BAHD1: variants seen among roughly 807,000 people sequenced by gnomAD.
The protein encoded by BAHD1 is bromo adjacent homology domain containing 1, also known as bromo adjacent homology domain-containing 1 protein.
BAHD1 carries 20 observed loss-of-function variants against 63.1 expected under a neutral mutation model. The observed-to-expected ratio is 0.32, with a 90% confidence interval of 0.22 to 0.46. BAHD1 has a LOEUF of 0.46. Ranked by LOEUF, BAHD1 falls within the 20% of genes least tolerant of loss-of-function variation. The probability of loss-of-function intolerance (pLI) is 1.00; values close to 1 mark genes in which losing one functional copy is unlikely to be tolerated. For missense variants in BAHD1, 939 were observed against 1,071.8 expected (o/e 0.88, Z 1.73); for synonymous variants, 408 against 426.8 (o/e 0.96, Z 0.54).
At chr15:40,438,478 A>G (rs1239454706), upstream of BAHD1, among the ~76,000 whole-genome samples, 1 of 152,148 alleles carries the variant, frequency 6.6e-6, no homozygotes, top group East Asian at 1.9e-4. Context: ...TCCCCGCACC[A>G]TAGCCCACTC....
In BAHD1 at chr15:40,456,501, C is replaced by T. The variant is rs112707599; in HGVS notation, c.-14-1950C>T. Among the ~76,000 whole-genome samples, 1,336 of 152,332 alleles carry T rather than the reference C, an allele frequency of 8.8e-3. 14 individuals are homozygous for T. Among genetic ancestry groups the T allele is most frequent in the African/African-American group, 0.03 (1,263 of 41,580 alleles). Reference sequence around the variant, plus strand: ...GCCAGAGCAAAGCCTGGCACGCTGCCTCTCCTTTCCAGTTTTCCGTGTCCT... The same window carrying T: ...GCCAGAGCAAAGCCTGGCACGCTGCTTCTCCTTTCCAGTTTTCCGTGTCCT... On this transcript the variant is annotated intron_variant, in intron 1 of 6. Transcript: ENST00000416165.
rs1033591261 is a variant in BAHD1 at position 40,441,085 on chromosome 15, C to G, written c.-198C>G. ...CCCCGGCCAGGCGCGCCCGCCCCCC[C>G]CGACGGCCCCGCCCGGCCGCGGTCC... On this transcript the variant is annotated 5_prime_UTR_variant, in exon 1 of 7. Transcript: ENST00000416165. 3 of 146,698 alleles carry G rather than the reference C, an allele frequency of 2.0e-5. No individual in the cohort carries two copies. The highest frequency in any genetic ancestry group is 3.0e-5 in the Non-Finnish European group (2 of 65,810). The allele number at this position is 146,698 out of a possible 1,614,324, so 9.1% of individuals were successfully genotyped here.
chr15:40,463,729 A>T, intron 3 of BAHD1, 132 bp from the exon 4 acceptor site: 3 of 951,606 alleles, frequency 3.2e-6, no homozygotes, highest in East Asian at 5.3e-5. Flanking sequence ...AAAAAAGGAT[A>T]GTGGTTTGAC....
chr15:40,465,075 C>A, intron 5 of BAHD1: 1 of 522,140 alleles, frequency 1.9e-6, no homozygotes, highest in Non-Finnish European at 3.4e-6. Context: ...CTACGCTAGG[C>A]AGGGCTGGGG....
intron 3 of BAHD1, 151 bp downstream of exon 3, chr15:40,462,445 G>C: frequency 8.5e-7 from 1 of 1,171,032 alleles, no homozygotes; most frequent in East Asian, 2.4e-5. Flanking sequence ...AACCAGTCAT[G>C]CTGGCCCACC....
chr15:40,446,568 A>G (rs1208173537), intron 1 of BAHD1, among the ~76,000 whole-genome samples: 1 of 152,184 alleles, frequency 6.6e-6, no homozygotes, highest in Non-Finnish European at 1.5e-5. Context: ...TGCAGGCCCA[A>G]TCCACCAGGA....
rs1894060630 is a variant in BAHD1 at position 40,462,071 on chromosome 15, T to C, written c.1592T>C (p.Val531Ala). Residue 531 changes from valine to alanine, a missense_variant, in exon 3 of 7, where the codon GTA becomes GCA. By Grantham distance (64) the Val-to-Ala change is moderately conservative (BLOSUM62 0). Coordinates refer to ENST00000416165, the MANE Select transcript of BAHD1 (RefSeq NM_014952.5). Reference protein sequence around the residue: ...LQTPTSEPQTVARACPQSAKP... With the variant: ...LQTPTSEPQTAARACPQSAKP... ...ACACCCACCTCGGAGCCCCAGACAG[T>C]AGCCCGTGCGTGCCCTCAGAGCGCC... 6.2e-7 allele frequency: 1 copy of C among 1,613,586 alleles called. No homozygotes were observed. The highest frequency in any genetic ancestry group is 1.3e-5 in the African/African-American group (1 of 74,904).
Position 40,462,264 on chromosome 15 carries a change from G to A in BAHD1, c.1785G>A (p.Gly595=), listed in dbSNP as rs989396316. 1.2e-6 allele frequency: 2 copies of A among 1,610,000 alleles called. No homozygotes were observed. The highest frequency in any genetic ancestry group is 1.7e-6 in the Non-Finnish European group (2 of 1,177,974). Residue 595 remains glycine, a synonymous_variant, in exon 3 of 7, where the codon GGG becomes GGA. Coordinates refer to ENST00000416165, the MANE Select transcript of BAHD1 (RefSeq NM_014952.5). The part of the protein sequence containing the change: ...RRRTNGWVPV[G]AACEKAVYVL... The stretch of plus-strand genomic sequence containing the variant: ...GCACTAATGGCTGGGTACCTGTTGG[G>A]GCTGCGTGTGAGAAGGCTGTGTATG...
At chr15:40,437,709 A>C (rs1352552770), upstream of BAHD1, among the ~76,000 whole-genome samples, 2 of 152,216 alleles carry the variant, frequency 1.3e-5, no homozygotes, top group African/African-American at 4.8e-5. Context: ...CACTGCCACC[A>C]CTGCAGGGAC....
At position 40,459,817 on chromosome 15, in the gene BAHD1, C is replaced by G. The variant is rs1232360263; in HGVS notation, c.1353C>G (p.Ile451Met). The change falls in exon 2 of 7, where the codon ATC becomes ATG. Residue 451 changes from isoleucine (I) to methionine (M), a missense_variant. Ile to Met is a conservative substitution (Grantham distance 10, BLOSUM62 1). Around this residue, in one of 5 missense-constraint regions of BAHD1, gnomAD observed 797 missense variants for 813.3 expected, o/e 0.98. Coordinates refer to ENST00000416165, the MANE Select transcript of BAHD1 (RefSeq NM_014952.5). ...SEDTGVNGYS[I>M]CGVLPLSVTH... ...ACACTGGAGTGAATGGCTACAGCATCTGCGGAGTGTTGCCCCTGTCTGTTA... is the reference window on the plus strand; with the variant it reads ...ACACTGGAGTGAATGGCTACAGCATGTGCGGAGTGTTGCCCCTGTCTGTTA... The G allele has an allele frequency of 6.2e-7, 1 of 1,612,942 alleles. No individual in the cohort carries two copies. The highest frequency in any genetic ancestry group is 1.1e-5 in the South Asian group (1 of 91,070).
intron 1 of BAHD1, among the ~76,000 whole-genome samples, chr15:40,443,674 C>T (rs1216444690): frequency 2.0e-5 from 3 of 152,094 alleles, no homozygotes; most frequent in Non-Finnish European, 4.4e-5. Flanking sequence ...GTCCTGCTGT[C>T]CCCGTGTCAG....
chr15:40,453,014 G>C (rs1456098777), intron 1 of BAHD1, among the ~76,000 whole-genome samples: 1 of 152,228 alleles, frequency 6.6e-6, no homozygotes, highest in Non-Finnish European at 1.5e-5. Flanking sequence ...TTTCTCACTG[G>C]GGTAGGAGGA....
chr15:40,460,153 G>A (rs1893996280), intron 2 of BAHD1, among the ~76,000 whole-genome samples: 1 of 152,218 alleles, frequency 6.6e-6, no homozygotes, highest in African/African-American at 2.4e-5. Context: ...CAGTTAGGTA[G>A]CATTGCAGTG....
At chr15:40,464,866 C>A in intron 5 of BAHD1, 1 of 431,570 alleles carries the variant, frequency 2.3e-6, no homozygotes, top group Non-Finnish European at 4.2e-6. Flanking sequence ...AGCTGCATAC[C>A]TGGTCACTTT....
At chr15:40,443,480 G>T (rs1463015169) in intron 1 of BAHD1, among the ~76,000 whole-genome samples, 1 of 152,236 alleles carries the variant, frequency 6.6e-6, no homozygotes, top group Non-Finnish European at 1.5e-5. Flanking sequence ...AGAAGGGGAT[G>T]ACGTGGTCTG....
At chr15:40,463,237 T>C (rs1894104200) in intron 3 of BAHD1, among the ~76,000 whole-genome samples, 1 of 152,124 alleles carries the variant, frequency 6.6e-6, no homozygotes, top group Non-Finnish European at 1.5e-5. Context: ...TCCAGGAGGT[T>C]GAGGCTGCAG....
chr15:40,441,488 G>A (rs1411731366), intron 1 of BAHD1, among the ~76,000 whole-genome samples: 2 of 151,032 alleles, frequency 1.3e-5, no homozygotes, highest in Non-Finnish European at 3.0e-5. Flanking sequence ...TCCCTCCCCT[G>A]GGTCCGGCAC....
rs1893382559 is a variant in BAHD1 at position 40,441,034 on chromosome 15, CCCGTCCGGCCCCCG to C, written c.-241_-228del. 6.8e-6 allele frequency among the ~76,000 whole-genome samples: 1 copy of C among 146,738 alleles called. No individual in the cohort carries two copies. Among genetic ancestry groups the C allele is most frequent in the Non-Finnish European group, 1.5e-5 (1 of 65,896 alleles). ...CCCGCCCGTCCGGCTGCCTGCCCCG[CCCGTCCGGCCCCCG>C]CCGTCCGCCCGCCCCGGCCAGGCGC... On this transcript the variant is annotated 5_prime_UTR_variant, in exon 1 of 7. Transcript: ENST00000416165.
intron 1 of BAHD1, among the ~76,000 whole-genome samples, chr15:40,445,864 AGT>A (rs1893527085): frequency 6.6e-6 from 1 of 152,164 alleles, no homozygotes; most frequent in African/African-American, 2.4e-5. Context: ...GGACAAGGAG[AGT>A]GTGCTTCGGT....
Sources: gnomAD v4.1 joint callset for allele counts (sites outside exome capture counted in the v4.1 genomes callset) on GRCh38, gnomAD v4.1.1 for gene constraint, gnomAD v4.1.1 regional missense constraint, MANE v1.5 for transcripts, NCBI Gene and HGNC (gene_info 2026-07-23, HGNC 2026-07-21) for gene names.